TSHR: variants seen among roughly 807,000 people sequenced by gnomAD.
TSHR encodes thyroid stimulating hormone receptor.
In TSHR, 51 loss-of-function variants were observed where a neutral mutation model predicts 64.1. The ratio of observed to expected loss-of-function variants is 0.80; its 90% CI spans 0.64 to 1.01. The LOEUF is 1.01. TSHR is among the 50% of genes least tolerant of loss of function. The probability of loss-of-function intolerance (pLI) is 0.00; values close to 1 mark genes in which losing one functional copy is unlikely to be tolerated. For missense variants in TSHR, 877 were observed against 942.8 expected, an observed-to-expected ratio of 0.93 and a Z score of 0.91; for synonymous variants, 361 against 361.9, an observed-to-expected ratio of 1.00 and a Z score of 0.03.
At chr14:81,110,871 C>G (rs561262751) in intron 8 of TSHR, among the ~76,000 whole-genome samples, 4 of 152,198 alleles carry the variant, frequency 2.6e-5, no homozygotes, top group African/African-American at 9.6e-5. Flanking sequence ...AGACTTTGAA[C>G]AGCCATAGCC....
chr14:81,080,700 A>G (rs1887839957), intron 3 of TSHR, among the ~76,000 whole-genome samples: 1 of 152,204 alleles, frequency 6.6e-6, no homozygotes. Flanking sequence ...TAATTATCAA[A>G]GAATTAAGAC....
At chr14:80,991,808 C>T (rs376294588) in intron 1 of TSHR, 28 of 378,750 alleles carry the variant, frequency 7.4e-5, no homozygotes, top group South Asian at 5.9e-4. Flanking sequence ...GAATTCACAC[C>T]GACAAGCCTG....
Position 81,143,181 on chromosome 14 carries a change from G to A in TSHR, c.1123G>A (p.Glu375Lys), listed in dbSNP as rs1891772605. Residue 375 changes from glutamate to lysine, a missense_variant, in exon 10 of 10, where the codon GAA becomes AAA. Glu to Lys is a moderately conservative substitution (Grantham distance 56, BLOSUM62 1). Transcript: ENST00000298171. ...GFGQELKNPQ[E>K]ETLQAFDSHY... is the part of the protein sequence containing the mutation. ...TGGCCAGGAGCTCAAAAACCCCCAG[G>A]AAGAGACTCTACAAGCTTTTGACAG... is the stretch of plus-strand genomic sequence containing the variant. 1 of 1,614,112 alleles carries A rather than the reference G, an allele frequency of 6.2e-7. No homozygotes were observed. Among genetic ancestry groups the A allele is most frequent in the South Asian group, 1.1e-5 (1 of 91,082 alleles).
intron 3 of TSHR, among the ~76,000 whole-genome samples, chr14:81,072,991 C>G: frequency 2.9e-5 from 1 of 34,866 alleles, no homozygotes; most frequent in Non-Finnish European, 4.3e-5. Flanking sequence ...AGCGAGACTC[C>G]GTCTCAAAAA....
At chr14:81,067,927 C>CAATATATATATATATATATA (rs146901210) in intron 2 of TSHR, among the ~76,000 whole-genome samples, 1 of 95,798 alleles carries the variant, frequency 1.0e-5, no homozygotes, top group African/African-American at 5.9e-5. Flanking sequence ...CAGGGTGACA[C>CAATATATATATATATATATA]TATATATATA....
At position 81,087,968 on chromosome 14, in the gene TSHR, C is replaced by T. The variant is rs1482487636; in HGVS notation, c.332C>T (p.Thr111Ile). 1.2e-6 allele frequency: 2 copies of T among 1,613,488 alleles called. No homozygotes were observed. Among genetic ancestry groups the T allele is most frequent in the East Asian group, 4.5e-5 (2 of 44,874 alleles). The change falls in exon 4 of 10, where the codon ACC becomes ATC. Residue 111 changes from threonine (T) to isoleucine (I), a missense_variant. Thr to Ile is a moderately conservative substitution (Grantham distance 89). Transcript: ENST00000298171. The stretch of plus-strand genomic sequence containing the variant: ...AACTTATACAGAGAAATTCGGAATA[C>T]CAGGAACTTAACTTACATAGACCCT... The part of the protein sequence containing the change: ...SKVTHIEIRN[T>I]RNLTYIDPDA...
At chr14:81,070,972 A>T (rs1887025745) in intron 3 of TSHR, among the ~76,000 whole-genome samples, 1 of 152,216 alleles carries the variant, frequency 6.6e-6, no homozygotes, top group African/African-American at 2.4e-5. Flanking sequence ...AGAAAAGGTC[A>T]ATATATGGGT....
At chr14:81,034,287 A>G (rs1288452434) in intron 1 of TSHR, among the ~76,000 whole-genome samples, 1 of 152,204 alleles carries the variant, frequency 6.6e-6, no homozygotes, top group East Asian at 1.9e-4. Flanking sequence ...AAGTCTATTC[A>G]AGGATTTTAT....
chr14:81,140,945 C>A (rs1891658959), intron 9 of TSHR, among the ~76,000 whole-genome samples: 1 of 152,148 alleles, frequency 6.6e-6, no homozygotes, highest in Admixed American at 6.5e-5. Flanking sequence ...CATGGTGAAA[C>A]CCCGTCTGTA....
rs1891616067 is a variant in TSHR at position 81,139,934 on chromosome 14, T to C, written c.881+67T>C. 1.3e-5 allele frequency: 21 copies of C among 1,582,466 alleles called. No homozygotes were observed. In the South Asian group the frequency reaches 2.3e-4, roughly 17 times the overall value. On this transcript the variant is annotated intron_variant, in intron 9 of 9. Coordinates refer to ENST00000298171, the MANE Select transcript of TSHR (RefSeq NM_000369.5). ...TGGAAGTGGAATTCATTTCTTGGTT[T>C]TGGGGAAGATGCTTCCTGGTTTGAA... is the stretch of plus-strand genomic sequence containing the variant.
intron 1 of TSHR, among the ~76,000 whole-genome samples, chr14:81,026,713 T>C (rs1884074343): frequency 6.6e-6 from 1 of 151,598 alleles, no homozygotes; most frequent in Non-Finnish European, 1.5e-5. Flanking sequence ...GGGATAGAAG[T>C]AAAAGAGCAA....
At position 81,073,024 on chromosome 14, in the gene TSHR, AT is replaced by A. The variant is rs368021063; in HGVS notation, c.317+4697del. On this transcript the variant is annotated intron_variant, in intron 3 of 9. Coordinates refer to ENST00000298171, the MANE Select transcript of TSHR (RefSeq NM_000369.5). ...AAAAAAAAAAAAATAAAAAATAAAT[AT>A]ATATATATATATATATATATATATA... is the stretch of plus-strand genomic sequence containing the variant. Among the ~76,000 whole-genome samples, 23 of 15,260 alleles carry A rather than the reference AT, an allele frequency of 1.5e-3. 9 individuals carry two copies. In the Admixed American group the frequency reaches 0.017, roughly 11 times the overall value. The allele number at this position is 15,260 out of a possible 152,430, so 10.0% of individuals were successfully genotyped here. A position where few individuals can be genotyped will look rare whatever the true frequency, so the allele number is the denominator to read the frequency against.
intron 1 of TSHR, among the ~76,000 whole-genome samples, chr14:80,969,661 C>A (rs1372030631): frequency 1.3e-5 from 2 of 152,162 alleles, no homozygotes; most frequent in Non-Finnish European, 2.9e-5. Flanking sequence ...TTCCTGTCAC[C>A]ATGACCACTT....
chr14:80,963,912 T>C (rs1368933601), intron 1 of TSHR, among the ~76,000 whole-genome samples: 4 of 152,222 alleles, frequency 2.6e-5, no homozygotes, highest in African/African-American at 9.6e-5. Context: ...GTCATTCAAG[T>C]GTAGTTAATA....
intron 1 of TSHR, among the ~76,000 whole-genome samples, chr14:80,981,439 A>G (rs1888164779): frequency 6.6e-6 from 1 of 152,190 alleles, no homozygotes; most frequent in South Asian, 2.1e-4. Context: ...GAGCAGCCAG[A>G]GGACAACAGA....
At chr14:81,083,291 G>A (rs951139688) in intron 3 of TSHR, among the ~76,000 whole-genome samples, 3 of 152,186 alleles carry the variant, frequency 2.0e-5, no homozygotes, top group Non-Finnish European at 4.4e-5. Flanking sequence ...GTGATTAAGT[G>A]AACCTAACTG....
chr14:80,961,147 G>A (rs1158911653), intron 1 of TSHR, among the ~76,000 whole-genome samples: 1 of 152,202 alleles, frequency 6.6e-6, no homozygotes, highest in African/African-American at 2.4e-5. Flanking sequence ...CACTGAAGAG[G>A]GGCCATATGC....
chr14:80,967,167 T>TAC (rs1887358696), intron 1 of TSHR, among the ~76,000 whole-genome samples: 2 of 78,128 alleles, frequency 2.6e-5, no homozygotes, highest in South Asian at 1.1e-3. Flanking sequence ...AAAAAAAAAT[T>TAC]ATATATATAT....
intron 1 of TSHR, among the ~76,000 whole-genome samples, chr14:80,980,258 C>T (rs1888100946): frequency 6.6e-6 from 1 of 151,982 alleles, no homozygotes; most frequent in Non-Finnish European, 1.5e-5. Flanking sequence ...ATAATTAACC[C>T]TTTTCCATCT....
Sources: allele counts gnomAD v4.1 joint callset (sites outside exome capture counted in the v4.1 genomes callset), GRCh38; gene constraint gnomAD v4.1.1; transcripts MANE v1.5; gene names NCBI Gene and HGNC (gene_info 2026-07-23, HGNC 2026-07-21).